The following SAMD4A variants were observed in gnomAD, a reference collection of about 807,000 sequenced individuals.
SAMD4A encodes the protein protein Smaug homolog 1.
In SAMD4A, 33 loss-of-function variants were observed where a neutral mutation model predicts 81.3. The observed-to-expected ratio is 0.41, with a 90% CI of 0.31 to 0.54. The LOEUF (loss-of-function observed/expected upper bound fraction) is 0.54, where lower values mean the gene tolerates loss of function less well. Among genes scored for constraint, SAMD4A ranks in the 20% least tolerant of loss-of-function variants. The pLI, the probability that SAMD4A is intolerant of heterozygous loss-of-function variation, is 0.37. For synonymous variants in SAMD4A, 389 were observed against 382.1 expected (o/e 1.02, Z -0.21); for missense variants, 854 against 951.1 (o/e 0.90, Z 1.34).
intron 12 of SAMD4A, among the ~76,000 whole-genome samples, chr14:54,786,971 A>T (rs2039157110): frequency 6.6e-6 from 1 of 152,156 alleles, no homozygotes; most frequent in South Asian, 2.1e-4. Flanking sequence ...AATGCAAATT[A>T]AGTTCAGGGT....
chr14:54,642,978 A>T (rs1463650211), intron 2 of SAMD4A, among the ~76,000 whole-genome samples: 1 of 152,196 alleles, frequency 6.6e-6, no homozygotes, highest in Non-Finnish European at 1.5e-5. Flanking sequence ...TGAGGGAAAC[A>T]ACCTCCCTTT....
chr14:54,617,642 T>A (rs759026271), intron 2 of SAMD4A, among the ~76,000 whole-genome samples: 2 of 152,200 alleles, frequency 1.3e-5, no homozygotes, highest in Non-Finnish European at 2.9e-5. Context: ...ATTTCATGAT[T>A]AATTTTAAGA....
At chr14:54,750,777 C>T (rs2038083315) in intron 5 of SAMD4A, among the ~76,000 whole-genome samples, 1 of 152,058 alleles carries the variant, frequency 6.6e-6, no homozygotes, top group Non-Finnish European at 1.5e-5. Flanking sequence ...CTGAGAGGGG[C>T]TGAAATTATA....
At chr14:54,571,886 T>C (rs909686274) in intron 2 of SAMD4A, among the ~76,000 whole-genome samples, 1 of 152,192 alleles carries the variant, frequency 6.6e-6, no homozygotes, top group Non-Finnish European at 1.5e-5. Flanking sequence ...AGAGGGTGGG[T>C]ATGTTGGTTC....
chr14:54,679,090 C>G (rs2036069375), intron 2 of SAMD4A, among the ~76,000 whole-genome samples: 1 of 152,214 alleles, frequency 6.6e-6, no homozygotes, highest in Admixed American at 6.5e-5. Context: ...TTGTTTATGA[C>G]AGACTAGTAG....
At position 54,567,783 on chromosome 14, in the gene SAMD4A, G is replaced by A; in HGVS notation, c.-134G>A. On this transcript the variant is annotated 5_prime_UTR_variant, in exon 2 of 13. Transcript: ENST00000554335. ...CAGGAGCCCAGGCAGTACCTGCAGC[G>A]TCCGGGCACCAGAGCCACCTTGGAA... The A allele has an allele frequency of 1.2e-6, 1 of 856,086 alleles. No homozygotes were observed. Among genetic ancestry groups the A allele is most frequent in the Non-Finnish European group, 1.7e-6 (1 of 572,944 alleles). 53.0% of individuals were successfully genotyped at this position (856,086 alleles called of 1,614,324 possible). A position where few individuals can be genotyped will look rare whatever the true frequency, so the allele number is the denominator to read the frequency against.
intron 4 of SAMD4A, among the ~76,000 whole-genome samples, chr14:54,742,153 C>T (rs2037859638): frequency 6.6e-6 from 1 of 151,952 alleles, no homozygotes; most frequent in South Asian, 2.1e-4. Context: ...ATGCAAGCAG[C>T]AGTGAGAATA....
intron 2 of SAMD4A, among the ~76,000 whole-genome samples, chr14:54,616,092 A>G (rs529101939): frequency 2.0e-5 from 3 of 152,222 alleles, no homozygotes; most frequent in Non-Finnish European, 4.4e-5. Context: ...AGAGAAGATA[A>G]CTGCAGGCAA....
chr14:54,698,261 AAT>A (rs1176541097), intron 2 of SAMD4A, among the ~76,000 whole-genome samples: 1 of 152,270 alleles, frequency 6.6e-6, no homozygotes, highest in African/African-American at 2.4e-5. Context: ...ACATTTATAT[AAT>A]GTTTATAACT....
intron 4 of SAMD4A, among the ~76,000 whole-genome samples, chr14:54,740,022 T>TA (rs749084710): frequency 2.0e-5 from 3 of 151,924 alleles, no homozygotes; most frequent in Non-Finnish European, 4.4e-5. Context: ...ATACAAAAAT[T>TA]AGTCAGGTGT....
chr14:54,663,243 G>A (rs2035683321), intron 2 of SAMD4A, among the ~76,000 whole-genome samples: 1 of 152,156 alleles, frequency 6.6e-6, no homozygotes, highest in South Asian at 2.1e-4. Context: ...GTTTCAAGGT[G>A]GAATTAGCTA....
chr14:54,739,861 A>G (rs1452796981), intron 4 of SAMD4A, among the ~76,000 whole-genome samples: 1 of 152,218 alleles, frequency 6.6e-6, no homozygotes, highest in African/African-American at 2.4e-5. Flanking sequence ...TTTCAAAATA[A>G]TTCACACTTT....
intron 2 of SAMD4A, among the ~76,000 whole-genome samples, chr14:54,585,496 G>T (rs2033590089): frequency 6.6e-6 from 1 of 152,086 alleles, no homozygotes; most frequent in African/African-American, 2.4e-5. Flanking sequence ...TTGGTCACAT[G>T]AATAAGTTCT....
chr14:54,570,939 T>A (rs1330518620), intron 2 of SAMD4A, among the ~76,000 whole-genome samples: 2 of 152,186 alleles, frequency 1.3e-5, no homozygotes, highest in Non-Finnish European at 2.9e-5. Flanking sequence ...AATCATCAAT[T>A]TAAAAAACCC....
chr14:54,682,206 A>C (rs2036145051), intron 2 of SAMD4A: 2 of 295,214 alleles, frequency 6.8e-6, no homozygotes, highest in Non-Finnish European at 1.0e-5. Context: ...ATAGGGGAAG[A>C]GTCCATACGT....
rs571797598 is a variant in SAMD4A at position 54,771,911 on chromosome 14, C to G, written c.1715+1689C>G. On this transcript the variant is annotated intron_variant, in intron 9 of 12. Coordinates refer to ENST00000554335, the MANE Select transcript of SAMD4A (RefSeq NM_015589.6). ...GCAGGGGACATGAACCTTGACCTCT[C>G]CAGGGTGTTTGTTAGTAACACTTGG... Among the ~76,000 whole-genome samples, 32 of 152,292 alleles carry G rather than the reference C, an allele frequency of 2.1e-4. 2 individuals are homozygous for G. In the South Asian group the frequency reaches 6.2e-3, roughly 30 times the overall value.
At chr14:54,688,878 A>T (rs1001617925) in intron 2 of SAMD4A, among the ~76,000 whole-genome samples, 29 of 143,832 alleles carry the variant, frequency 2.0e-4, no homozygotes, top group Non-Finnish European at 3.5e-4. Context: ...GGGCTGGTTA[A>T]ACACAGTTTT....
intron 2 of SAMD4A, among the ~76,000 whole-genome samples, chr14:54,689,027 G>T (rs74244803): frequency 0.042 from 6,169 of 146,636 alleles, 200 homozygotes; most frequent in East Asian, 0.14. Flanking sequence ...CTTCTCCCGA[G>T]TTCAAGCGAT....
chr14:54,705,269 G>A (rs1462920378), intron 3 of SAMD4A, among the ~76,000 whole-genome samples: 1 of 152,184 alleles, frequency 6.6e-6, no homozygotes, highest in Admixed American at 6.5e-5. Flanking sequence ...CTCATTTTCA[G>A]TTCTGATGGG....
Sources: gnomAD v4.1 joint callset for allele counts (sites outside exome capture counted in the v4.1 genomes callset) on GRCh38, gnomAD v4.1.1 for gene constraint, MANE v1.5 for transcripts, NCBI Gene and HGNC (gene_info 2026-07-23, HGNC 2026-07-21) for gene names.